The following ILKAP variants were observed in gnomAD, a reference collection of about 807,000 sequenced individuals.
ILKAP encodes the protein integrin-linked kinase-associated serine/threonine phosphatase 2C.
Under a neutral mutation model 49.1 loss-of-function variants are expected in ILKAP, and 11 were observed. The ratio of observed to expected loss-of-function variants is 0.22; its 90% confidence interval spans 0.14 to 0.37. The LOEUF (loss-of-function observed/expected upper bound fraction) is 0.37, where lower values mean the gene tolerates loss of function less well. ILKAP is among the 10% of genes least tolerant of loss of function. The probability of loss-of-function intolerance (pLI) is 1.00; values close to 1 mark genes in which losing one functional copy is unlikely to be tolerated. For missense variants in ILKAP, 363 were observed against 510.8 expected (o/e 0.71, Z 2.79); for synonymous variants, 186 against 192.8 (o/e 0.96, Z 0.29).
Position 238,191,823 on chromosome 2 carries a change from G to A in ILKAP, c.179-1851C>T, listed in dbSNP as rs1194387393. 2.0e-5 allele frequency among the ~76,000 whole-genome samples: 3 copies of A among 150,852 alleles called. No homozygotes were observed. The South Asian group carries it at 6.3e-4, about 32-fold the overall frequency. On this transcript the variant is annotated intron_variant, in intron 3 of 11. Coordinates refer to ENST00000254654, the MANE Select transcript of ILKAP (RefSeq NM_030768.3). ...GGGAGGCTGAGGCACGAGACTCACT[G>A]GAACCCAGGAGGCGGAGGCTGCAGT... is the stretch of plus-strand genomic sequence containing the variant.
At chr2:238,193,379 C>T (rs1694220602) in intron 3 of ILKAP, among the ~76,000 whole-genome samples, 1 of 152,190 alleles carries the variant, frequency 6.6e-6, no homozygotes, top group Non-Finnish European at 1.5e-5. Flanking sequence ...TGCCACCATG[C>T]CTGGCTAATT....
chr2:238,190,906 G>GGATGCAA (rs1267252356), intron 3 of ILKAP, among the ~76,000 whole-genome samples: 2 of 121,168 alleles, frequency 1.7e-5, no homozygotes, highest in South Asian at 2.6e-4. Context: ...AAAAAAAAAA[G>GGATGCAA]GATGCAAGTA....
At chr2:238,173,980 T>C (rs914147762) in intron 9 of ILKAP, 4 of 256,574 alleles carry the variant, frequency 1.6e-5, no homozygotes, top group African/African-American at 6.6e-5. Context: ...AGAATCGGAT[T>C]TGACTGACTG....
chr2:238,170,801 G>T, intron 11 of ILKAP, 125 bp from the exon 12 acceptor site: 1 of 1,478,766 alleles, frequency 6.8e-7, no homozygotes, highest in Non-Finnish European at 9.5e-7. Flanking sequence ...AAACTGACCA[G>T]TGAGTCAGTA....
chr2:238,194,683 C>A, intron 2 of ILKAP, 122 bp downstream of exon 2: 1 of 990,732 alleles, frequency 1.0e-6, no homozygotes, highest in Non-Finnish European at 1.5e-6. Context: ...AACTTAAAGA[C>A]AGTCCAACAC....
At chr2:238,174,102 T>TA (rs1364891635) in intron 9 of ILKAP, among the ~76,000 whole-genome samples, 11 of 152,336 alleles carry the variant, frequency 7.2e-5, no homozygotes, top group African/African-American at 2.6e-4. Context: ...TCAATCTAAT[T>TA]AGATTTGGAA....
rs142236737 is a variant in ILKAP, at chr2:238,177,676, A to G, written c.837-4023T>C. On this transcript the variant is annotated intron_variant, in intron 9 of 11. Coordinates refer to ENST00000254654, the MANE Select transcript of ILKAP (RefSeq NM_030768.3). The stretch of plus-strand genomic sequence containing the variant: ...TTTCCTTCCTTTTTGAGGTTAAATA[A>G]TATTCTGTTATATAGACATCTCACG... Among the ~76,000 whole-genome samples the G allele has an allele frequency of 2.0e-4, 31 of 152,290 alleles. No individual in the cohort carries two copies. The East Asian group carries it at 6.0e-3, about 29-fold the overall frequency.
intron 1 of ILKAP, among the ~76,000 whole-genome samples, chr2:238,196,043 C>CCA (rs1479902954): frequency 2.9e-5 from 2 of 67,868 alleles, no homozygotes; most frequent in Non-Finnish European, 4.9e-5. Context: ...GACTCTGTCA[C>CCA]AAAAAAAAAA....
chr2:238,193,951 CTGTT>C (rs1189326953), intron 3 of ILKAP, among the ~76,000 whole-genome samples: 3 of 152,218 alleles, frequency 2.0e-5, no homozygotes, highest in Admixed American at 2.0e-4. Flanking sequence ...GTCAAGCACT[CTGTT>C]TAACAAGGCA....
chr2:238,180,175 A>G (rs532196368), intron 9 of ILKAP, among the ~76,000 whole-genome samples: 1 of 149,512 alleles, frequency 6.7e-6, no homozygotes, highest in Admixed American at 7.0e-5. Flanking sequence ...CTCAAAAAAA[A>G]AAAAGAAAGA....
chr2:238,184,057 G>T lies in ILKAP; in HGVS notation c.589C>A (p.His197Asn). 6.2e-7 allele frequency: 1 copy of T among 1,611,200 alleles called. No individual in the cohort carries two copies. Among genetic ancestry groups the T allele is most frequent in the Middle Eastern group, 1.7e-4 (1 of 6,060 alleles). The change falls in exon 7 of 12, where the codon CAT (histidine) becomes AAT (asparagine). Residue 197 changes from histidine (H) to asparagine (N), a missense_variant. By Grantham distance (68) the His-to-Asn change is moderately conservative. Around this residue, in one of 3 missense-constraint regions of ILKAP, gnomAD observed 166 missense variants for 307.3 expected, o/e 0.54. Coordinates refer to ENST00000254654, the MANE Select transcript of ILKAP (RefSeq NM_030768.3). ...VKRCLLDTFK[H>N]TDEEFLKQAS... ...TGTTTAAGGAACTCTTCATCAGTAT[G>T]CTTGAAAGTGTCCAAAAGGCATCTC...
At chr2:238,172,572 C>A (rs1483475329) in intron 10 of ILKAP, among the ~76,000 whole-genome samples, 1 of 152,184 alleles carries the variant, frequency 6.6e-6, no homozygotes, top group African/African-American at 2.4e-5. Context: ...CCAGAGGCGG[C>A]GGCTGCTGGA....
At chr2:238,173,950 C>T in intron 9 of ILKAP, 1 of 342,508 alleles carries the variant, frequency 2.9e-6, no homozygotes. Flanking sequence ...GTTCTCATCA[C>T]ACACCTAGGT....
At chr2:238,173,098 G>A (rs1693297826) in intron 10 of ILKAP, among the ~76,000 whole-genome samples, 1 of 152,140 alleles carries the variant, frequency 6.6e-6, no homozygotes, top group Admixed American at 6.5e-5. Context: ...TCTCCAGCAT[G>A]GGGCTGAGGG....
chr2:238,188,455 G>A, intron 4 of ILKAP, 198 bp from the exon 5 acceptor site: 1 of 591,650 alleles, frequency 1.7e-6, no homozygotes, highest in Non-Finnish European at 2.9e-6. Context: ...GTTGGACAGG[G>A]TGAGCTCTAA....
chr2:238,177,379 A>C (rs779288730), intron 9 of ILKAP, among the ~76,000 whole-genome samples: 1 of 152,190 alleles, frequency 6.6e-6, no homozygotes, highest in Non-Finnish European at 1.5e-5. Flanking sequence ...AGCAGCATTA[A>C]ATATATTCAC....
intron 4 of ILKAP, among the ~76,000 whole-genome samples, chr2:238,189,139 A>G (rs1044176355): frequency 3.9e-5 from 6 of 152,108 alleles, no homozygotes; most frequent in African/African-American, 1.4e-4. Context: ...TAACATGGTG[A>G]AACCCCGTCT....
At chr2:238,183,827 A>C in intron 7 of ILKAP, 87 bp from the exon 8 acceptor site, 1 of 1,068,040 alleles carries the variant, frequency 9.4e-7, no homozygotes, top group South Asian at 1.4e-5. Context: ...GAAGTATCTT[A>C]TATTTCAAAA....
chr2:238,196,086 CTTTTTTTTTTTT>C (rs34504570), intron 1 of ILKAP, among the ~76,000 whole-genome samples: 2 of 77,470 alleles, frequency 2.6e-5, no homozygotes, highest in Non-Finnish European at 4.5e-5. Flanking sequence ...AACCAATTCA[CTTTTTTTTTTTT>C]TTTTTTTTTT....
Sources: allele counts gnomAD v4.1 joint callset (sites outside exome capture counted in the v4.1 genomes callset), GRCh38; gene constraint gnomAD v4.1.1; regional missense constraint gnomAD v4.1.1; transcripts MANE v1.5; gene names NCBI Gene and HGNC (gene_info 2026-07-23, HGNC 2026-07-21).